ZNF613: variants seen among roughly 807,000 people sequenced by gnomAD.
ZNF613 encodes the protein zinc finger protein 613.
In ZNF613, 8 loss-of-function variants were observed where a neutral mutation model predicts 14.3. That is an observed-to-expected ratio of 0.56 (90% CI 0.33 to 1.01). ZNF613 has a LOEUF of 1.01. ZNF613 is among the 50% of genes least tolerant of loss of function. The pLI, the probability that ZNF613 is intolerant of heterozygous loss-of-function variation, is 0.03. For missense variants in ZNF613, 656 were observed against 741.9 expected, an observed-to-expected ratio of 0.88 and a Z score of 1.35; for synonymous variants, 228 against 254.5, an observed-to-expected ratio of 0.90 and a Z score of 0.99.
rs774623183 is a variant in ZNF613, at chr19:51,945,628, A to G, written c.1745A>G (p.Gln582Arg). Residue 582 changes from glutamine to arginine, a missense_variant, in exon 6 of 6, where the codon CAG (glutamine) becomes CGG (arginine). Transcript: ENST00000293471. ...CTGCAGATGCCTTCTGTGGCAGCTC[A>G]GACCTCATTAACTAACAGTGCGTTC... ...VTLQMPSVAA[Q>R]TSLTNSAFQA... 5 of 1,614,186 alleles carry G rather than the reference A, an allele frequency of 3.1e-6. No homozygotes were observed. Among genetic ancestry groups the G allele is most frequent in the Non-Finnish European group, 4.2e-6 (5 of 1,180,022 alleles).
intron 1 of ZNF613, 95 bp downstream of exon 1, chr19:51,927,635 A>T (rs1213618559): frequency 6.6e-6 from 1 of 152,214 alleles, no homozygotes; most frequent in East Asian, 1.9e-4. Context: ...GGGAAGCGGG[A>T]GCAAGTGGGA....
At position 51,936,212 on chromosome 19, in the gene ZNF613, CA is replaced by C; in HGVS notation, c.-5del. 1 of 1,603,390 alleles carries C rather than the reference CA, an allele frequency of 6.2e-7. No homozygotes were observed. Among genetic ancestry groups the C allele is most frequent in the African/African-American group, 1.3e-5 (1 of 74,626 alleles). ...CTACTTACTGGCTATTTCCCAGTAA[CA>C]AAAGAAAATGATCAAGTCCCAGGTG... is the stretch of plus-strand genomic sequence containing the variant. On this transcript the variant is annotated 5_prime_UTR_variant, in exon 3 of 6. Transcript: ENST00000293471.
chr19:51,940,944 T>G (rs1246777861), intron 5 of ZNF613, among the ~76,000 whole-genome samples: 2 of 152,158 alleles, frequency 1.3e-5, no homozygotes, highest in African/African-American at 4.8e-5. Context: ...ATTTATTTAT[T>G]TTTTGAGATG....
At position 51,945,752 on chromosome 19, in the gene ZNF613, C is replaced by T; in HGVS notation, c.*15C>T. 3 of 1,612,872 alleles carry T rather than the reference C, an allele frequency of 1.9e-6. No individual in the cohort carries two copies. Among genetic ancestry groups the T allele is most frequent in the Admixed American group, 3.3e-5 (2 of 59,998 alleles). ...GCACAGAATAAAAACCATATGAATG[C>T]AGTGAATGTGGTAGTGCTTTCAGTG... On this transcript the variant is annotated 3_prime_UTR_variant, in exon 6 of 6. Coordinates refer to ENST00000293471, the MANE Select transcript of ZNF613 (RefSeq NM_001031721.4).
intron 1 of ZNF613, among the ~76,000 whole-genome samples, 173 bp from the exon 2 acceptor site, chr19:51,929,559 C>A (rs1247932978): frequency 6.6e-6 from 1 of 152,138 alleles, no homozygotes; most frequent in African/African-American, 2.4e-5. Flanking sequence ...TCCCTGTTCT[C>A]CAGGTTACAA....
rs780858937 is a variant in ZNF613, at chr19:51,944,746, A to G, written c.863A>G (p.Tyr288Cys). The change falls in exon 6 of 6, where the codon TAT (tyrosine) becomes TGT (cysteine). Residue 288 changes from tyrosine (Y) to cysteine (C), a missense_variant. Tyr to Cys is a radical substitution (Grantham distance 194, BLOSUM62 -2). Coordinates refer to ENST00000293471, the MANE Select transcript of ZNF613 (RefSeq NM_001031721.4). ...AAAATTCATACAGGAGAGAAGTCAT[A>G]TATATGCAGTGATTGTGGAAAAGGC... Reference protein sequence around the residue: ...HQKIHTGEKSYICSDCGKGFI... With the variant: ...HQKIHTGEKSCICSDCGKGFI... 1 of 1,613,812 alleles carries G rather than the reference A, an allele frequency of 6.2e-7. No individual in the cohort carries two copies. Among genetic ancestry groups the G allele is most frequent in the Non-Finnish European group, 8.5e-7 (1 of 1,179,966 alleles).
chr19:51,932,536 A>AT, intron 2 of ZNF613, among the ~76,000 whole-genome samples: 1 of 151,902 alleles, frequency 6.6e-6, no homozygotes. Flanking sequence ...ATCTCAGGTG[A>AT]TCTGCCCGCC....
At chr19:51,930,491 A>G (rs960347380) in intron 2 of ZNF613, among the ~76,000 whole-genome samples, 1 of 152,026 alleles carries the variant, frequency 6.6e-6, no homozygotes, top group Non-Finnish European at 1.5e-5. Flanking sequence ...CAAACTCCTG[A>G]CCTCAGCTGA....
At chr19:51,929,238 A>G (rs1347743527) in intron 1 of ZNF613, among the ~76,000 whole-genome samples, 3 of 152,150 alleles carry the variant, frequency 2.0e-5, no homozygotes, top group Non-Finnish European at 4.4e-5. Context: ...AGATTTCTGT[A>G]ATAGTATACC....
At chr19:51,936,744 C>T (rs896966281) in intron 3 of ZNF613, among the ~76,000 whole-genome samples, 4 of 152,152 alleles carry the variant, frequency 2.6e-5, no homozygotes, top group Admixed American at 6.5e-5. Context: ...CTTGGCCTCC[C>T]AAAGTTCTGG....
At chr19:51,944,095 A>G in intron 5 of ZNF613, 24 bp from the exon 6 acceptor site, 2 of 1,511,972 alleles carry the variant, frequency 1.3e-6, no homozygotes, top group African/African-American at 1.4e-5. Flanking sequence ...TCATGGAAAG[A>G]TTTATTGTTC....
chr19:51,934,146 C>T (rs1217288422), intron 2 of ZNF613, among the ~76,000 whole-genome samples: 1 of 152,058 alleles, frequency 6.6e-6, no homozygotes, highest in Non-Finnish European at 1.5e-5. Flanking sequence ...TTGTTGTAAA[C>T]CTTTGACTAT....
intron 2 of ZNF613, among the ~76,000 whole-genome samples, chr19:51,930,505 G>A (rs1353070437): frequency 2.0e-5 from 3 of 151,962 alleles, no homozygotes; most frequent in African/African-American, 7.3e-5. Flanking sequence ...CAGCTGATCC[G>A]CCCACCTCAG....
rs762728253 is a variant in ZNF613 at position 51,945,374 on chromosome 19, A to G, written c.1491A>G (p.Ser497=). 1.2e-6 allele frequency: 2 copies of G among 1,614,074 alleles called. No individual in the cohort carries two copies. The highest frequency in any genetic ancestry group is 1.7e-6 in the Non-Finnish European group (2 of 1,179,976). ...GTGGGAAAGCTTTCAGAGATAAATC[A>G]TGTCTCAACAGACATCGGAGAACTC... The part of the protein sequence containing the change: ...SDCGKAFRDK[S]CLNRHRRTHT... Residue 497 remains serine, a synonymous_variant, in exon 6 of 6, where the codon TCA becomes TCG. Coordinates refer to ENST00000293471, the MANE Select transcript of ZNF613 (RefSeq NM_001031721.4).
rs760666106 is a variant in ZNF613, at chr19:51,945,807, C to CA, written c.*71dup. The CA allele has an allele frequency of 1.3e-6, 2 of 1,551,434 alleles. No homozygotes were observed. The highest frequency in any genetic ancestry group is 1.1e-5 in the South Asian group (1 of 87,772). On this transcript the variant is annotated 3_prime_UTR_variant, in exon 6 of 6. Coordinates refer to ENST00000293471, the MANE Select transcript of ZNF613 (RefSeq NM_001031721.4). Reference sequence around the variant, plus strand: ...ATTACATCATATGTCACAAAAAACACAGAGGAACAAACTGATATATTCAAG... The same window carrying CA: ...ATTACATCATATGTCACAAAAAACACAAGAGGAACAAACTGATATATTCAAG...
In ZNF613 at chr19:51,944,930, T is replaced by G. The variant is rs1378468830; in HGVS notation, c.1047T>G (p.Cys349Trp). ...AGAAACCCTATGAATGCACTGAATGTGACAAAGCATTCCGCTGGAAATCAC... is the reference window on the plus strand; with the variant it reads ...AGAAACCCTATGAATGCACTGAATGGGACAAAGCATTCCGCTGGAAATCAC... ...TGEKPYECTECDKAFRWKSQL... is the reference protein window; with the variant it reads ...TGEKPYECTEWDKAFRWKSQL... The change falls in exon 6 of 6, where the codon TGT becomes TGG. Residue 349 changes from cysteine (C) to tryptophan (W), a missense_variant. Physicochemically the swap from Cys to Trp is radical, Grantham distance 215. Coordinates refer to ENST00000293471, the MANE Select transcript of ZNF613 (RefSeq NM_001031721.4). The G allele has an allele frequency of 2.5e-6, 4 of 1,613,806 alleles. No homozygotes were observed. The African/African-American group carries it at 4.0e-5, about 16-fold the overall frequency.
intron 5 of ZNF613, among the ~76,000 whole-genome samples, chr19:51,943,577 G>A (rs904082877): frequency 6.6e-6 from 1 of 152,126 alleles, no homozygotes; most frequent in Non-Finnish European, 1.5e-5. Context: ...CTGGCCTATT[G>A]TTATAATTCT....
chr19:51,938,505 T>C (rs1006411878), intron 3 of ZNF613, among the ~76,000 whole-genome samples: 1 of 151,976 alleles, frequency 6.6e-6, no homozygotes, highest in Non-Finnish European at 1.5e-5. Context: ...TAAGGTTCTC[T>C]GTATGAACAG....
In ZNF613 at chr19:51,945,749, A is replaced by C; in HGVS notation, c.*12A>C. The C allele has an allele frequency of 6.2e-7, 1 of 1,613,664 alleles. No individual in the cohort carries two copies. The highest frequency in any genetic ancestry group is 8.5e-7 in the Non-Finnish European group (1 of 1,179,792). The stretch of plus-strand genomic sequence containing the variant: ...TTTGCACAGAATAAAAACCATATGA[A>C]TGCAGTGAATGTGGTAGTGCTTTCA... On this transcript the variant is annotated 3_prime_UTR_variant, in exon 6 of 6. Coordinates refer to ENST00000293471, the MANE Select transcript of ZNF613 (RefSeq NM_001031721.4).
Sources: allele counts gnomAD v4.1 joint callset (sites outside exome capture counted in the v4.1 genomes callset), GRCh38; gene constraint gnomAD v4.1.1; transcripts MANE v1.5; gene names NCBI Gene and HGNC (gene_info 2026-07-23, HGNC 2026-07-21).